The following CTNND2 variants were observed in gnomAD, a reference collection of about 807,000 sequenced individuals.
The protein encoded by CTNND2 is catenin delta 2, also known as catenin delta-2.
In CTNND2, 22 loss-of-function variants were observed where a neutral mutation model predicts 144.4. The ratio of observed to expected loss-of-function variants is 0.15; its 90% CI spans 0.11 to 0.22. The LOEUF (loss-of-function observed/expected upper bound fraction) is 0.22. Among genes scored for constraint, CTNND2 ranks in the 10% least tolerant of loss-of-function variants. The pLI is 1.00. For synonymous variants in CTNND2, 751 were observed against 695.6 expected, an observed-to-expected ratio of 1.08 and a Z score of -1.25; for missense variants, 1,353 against 1,618.8, an observed-to-expected ratio of 0.84 and a Z score of 2.82.
chr5:11,391,091 A>C (rs1366011194), intron 6 of CTNND2, among the ~76,000 whole-genome samples: 10 of 151,276 alleles, frequency 6.6e-5, no homozygotes, highest in Admixed American at 5.9e-4. Flanking sequence ...GAGTGGTTTA[A>C]GTTGTGACAA....
chr5:11,664,353 G>A (rs1783439774), intron 2 of CTNND2, among the ~76,000 whole-genome samples: 1 of 152,158 alleles, frequency 6.6e-6, no homozygotes, highest in South Asian at 2.1e-4. Flanking sequence ...AACACTTTGG[G>A]AGGCCAAGGC....
chr5:11,136,107 C>A (rs1756119930), intron 12 of CTNND2, among the ~76,000 whole-genome samples: 1 of 152,142 alleles, frequency 6.6e-6, no homozygotes, highest in African/African-American at 2.4e-5. Flanking sequence ...AAGGTATTAT[C>A]TGTGAAGCAG....
intron 1 of CTNND2, among the ~76,000 whole-genome samples, chr5:11,779,733 G>C (rs1276658268): frequency 6.6e-6 from 1 of 152,156 alleles, no homozygotes; most frequent in South Asian, 2.1e-4. Context: ...CTTGTGATTT[G>C]TCAAACTTCC....
In CTNND2 at chr5:10,973,582, G is replaced by T. The variant is rs1288565690; in HGVS notation, c.3549C>A (p.Ser1183Arg). 5 of 1,614,052 alleles carry T rather than the reference G, an allele frequency of 3.1e-6. No homozygotes were observed. The highest frequency in any genetic ancestry group is 1.3e-5 in the African/African-American group (1 of 74,926). The part of the protein sequence containing the change: ...EDQVHHRPPA[S>R]EYTMHLGLKS... Reference sequence around the variant, plus strand: ...TGAGACCCAGGTGCATGGTGTACTCGCTGGCGGGAGGGCGATGGTGGACCT... The same window carrying T: ...TGAGACCCAGGTGCATGGTGTACTCTCTGGCGGGAGGGCGATGGTGGACCT... The change falls in exon 22 of 22, where the codon AGC becomes AGA. Residue 1183 changes from serine to arginine, a missense_variant. Physicochemically the swap from Ser to Arg is moderately radical, Grantham distance 110. This residue lies in a region of CTNND2 where 459 missense variants were observed against 674.3 expected (regional missense o/e 0.68). Transcript: ENST00000304623. The surrounding 1 kb of genome is among the most constrained non-coding windows in gnomAD (Gnocchi z 5.6).
At chr5:11,108,375 T>G (rs1274922884) in intron 14 of CTNND2, among the ~76,000 whole-genome samples, 1 of 152,226 alleles carries the variant, frequency 6.6e-6, no homozygotes, top group African/African-American at 2.4e-5. Flanking sequence ...CCTACTGCTT[T>G]TATGCATAAA....
At chr5:11,348,541 T>A (rs1461389454) in intron 8 of CTNND2, among the ~76,000 whole-genome samples, 1 of 152,010 alleles carries the variant, frequency 6.6e-6, no homozygotes, top group Non-Finnish European at 1.5e-5. Context: ...ACATTTAATC[T>A]TGCTGAAAAT....
At chr5:11,697,014 T>C (rs1785170612) in intron 2 of CTNND2, among the ~76,000 whole-genome samples, 1 of 152,110 alleles carries the variant, frequency 6.6e-6, no homozygotes, top group Non-Finnish European at 1.5e-5. Flanking sequence ...AAAATGTCCA[T>C]AAATAAAAGG....
At chr5:11,004,824 A>G (rs191920279) in intron 18 of CTNND2, among the ~76,000 whole-genome samples, 21 of 151,822 alleles carry the variant, frequency 1.4e-4, no homozygotes, top group African/African-American at 3.9e-4. Flanking sequence ...ATGGAAGCAG[A>G]GTCACTGAAC....
At chr5:11,701,383 C>G (rs764038529) in intron 2 of CTNND2, among the ~76,000 whole-genome samples, 2 of 152,116 alleles carry the variant, frequency 1.3e-5, no homozygotes, top group African/African-American at 2.4e-5. Context: ...TAAGTAAATC[C>G]AAAGTGAACT....
At chr5:11,777,205 G>A (rs763182309) in intron 1 of CTNND2, among the ~76,000 whole-genome samples, 2 of 151,996 alleles carry the variant, frequency 1.3e-5, no homozygotes, top group African/African-American at 2.4e-5. Context: ...AACATCTCTT[G>A]GCATGTAAAT....
chr5:11,809,561 A>G (rs1449712883), intron 1 of CTNND2, among the ~76,000 whole-genome samples: 1 of 152,214 alleles, frequency 6.6e-6, no homozygotes, highest in Non-Finnish European at 1.5e-5. Context: ...TGTCATTGTC[A>G]GGGAGAGGAA....
At chr5:11,286,829 A>G (rs1747808382) in intron 9 of CTNND2, among the ~76,000 whole-genome samples, 1 of 152,196 alleles carries the variant, frequency 6.6e-6, no homozygotes, top group Non-Finnish European at 1.5e-5. Context: ...AGCAACGTTC[A>G]TGCTCTGAAA....
At chr5:11,770,344 T>A (rs75134192) in intron 1 of CTNND2, among the ~76,000 whole-genome samples, 6 of 149,980 alleles carry the variant, frequency 4.0e-5, no homozygotes, top group Non-Finnish European at 7.4e-5. Context: ...AGAATTAGAA[T>A]ATATAAGGAT....
At chr5:11,572,790 C>T (rs1013025863) in intron 2 of CTNND2, among the ~76,000 whole-genome samples, 18 of 152,120 alleles carry the variant, frequency 1.2e-4, no homozygotes, top group African/African-American at 2.9e-4. Context: ...CCACCACGAT[C>T]GAGTTAGCTG....
chr5:11,294,354 TA>T (rs1481591349), intron 9 of CTNND2, among the ~76,000 whole-genome samples: 1 of 152,152 alleles, frequency 6.6e-6, no homozygotes, highest in Non-Finnish European at 1.5e-5. Flanking sequence ...AGAAAAACAC[TA>T]ATGTGCTGAG....
At chr5:11,486,357 C>T (rs1053572001) in intron 3 of CTNND2, among the ~76,000 whole-genome samples, 8 of 152,228 alleles carry the variant, frequency 5.3e-5, no homozygotes, top group South Asian at 2.1e-4. Flanking sequence ...TCCAGTAGAT[C>T]GCACTAGGTG....
At chr5:11,373,804 C>T (rs1757672122) in intron 7 of CTNND2, among the ~76,000 whole-genome samples, 1 of 152,162 alleles carries the variant, frequency 6.6e-6, no homozygotes. Context: ...ATATCCATTC[C>T]TGAAAGTGAG....
At chr5:11,149,581 C>G (rs1757557321) in intron 12 of CTNND2, among the ~76,000 whole-genome samples, 1 of 152,106 alleles carries the variant, frequency 6.6e-6, no homozygotes, top group Non-Finnish European at 1.5e-5. Context: ...ACAACATCTT[C>G]CTTGCCAGTT....
Position 11,880,898 on chromosome 5 carries a change from TTAC to T in CTNND2, c.37+22916_37+22918del, listed in dbSNP as rs1156717907. Among the ~76,000 whole-genome samples, 810 of 108,592 alleles carry T rather than the reference TTAC, an allele frequency of 7.5e-3. 5 individuals carry two copies. Among genetic ancestry groups the T allele is most frequent in the African/African-American group, 0.026 (731 of 27,622 alleles). The allele number at this position is 108,592 out of a possible 152,430, so 71.2% of individuals were successfully genotyped here. On this transcript the variant is annotated intron_variant, in intron 1 of 21. Coordinates refer to ENST00000304623, the MANE Select transcript of CTNND2 (RefSeq NM_001332.4). ...GCTACTAGTACTACTACTACTACCA[TTAC>T]TACTACTACCACCACTACTACTACC...
Sources: allele counts gnomAD v4.1 joint callset (sites outside exome capture counted in the v4.1 genomes callset), GRCh38; gene constraint gnomAD v4.1.1; regional missense constraint gnomAD v4.1.1; non-coding constraint Gnocchi (gnomAD v3.1); transcripts MANE v1.5; gene names NCBI Gene and HGNC (gene_info 2026-07-23, HGNC 2026-07-21).